Variants in FAT3 observed in about 807,000 individuals in gnomAD.
FAT3 encodes the protein protocadherin Fat 3.
Under a neutral mutation model 310.2 loss-of-function variants are expected in FAT3, and 95 were observed. The ratio of observed to expected loss-of-function variants is 0.31; its 90% confidence interval spans 0.26 to 0.36. The LOEUF (loss-of-function observed/expected upper bound fraction) is 0.36. Ranked by LOEUF, FAT3 falls within the 10% of genes least tolerant of loss-of-function variation. The pLI is 1.00. For synonymous variants in FAT3, 2,314 were observed against 2,192.9 expected (o/e 1.06, Z -1.54); for missense variants, 5,408 against 5,715.6 (o/e 0.95, Z 1.74).
rs150586457 is a variant in FAT3 at position 92,793,476 on chromosome 11, G to GGTA, written c.4822+501_4822+503dup. ...AGGCAACCTGAGTAGCAGAGTAGATGGTAGATATGGAGTCTGAACTGCTTG... is the reference window on the plus strand; with the variant it reads ...AGGCAACCTGAGTAGCAGAGTAGATGGTAGTAGATATGGAGTCTGAACTGCTTG... On this transcript the variant is annotated intron_variant, in intron 9 of 27. Transcript: ENST00000525166. Among the ~76,000 whole-genome samples the GGTA allele has an allele frequency of 8.2e-3, 1,248 of 152,214 alleles. 14 individuals carry two copies. Among genetic ancestry groups the GGTA allele is most frequent in the African/African-American group, 0.028 (1,180 of 41,538 alleles).
At chr11:92,729,426 AT>A (rs1358571849) in intron 4 of FAT3, among the ~76,000 whole-genome samples, 3,577 of 140,326 alleles carry the variant, frequency 0.025, 41 homozygotes, top group Middle Eastern at 0.07. Flanking sequence ...CCCAGACTGA[AT>A]TTTTTTTTTT....
intron 1 of FAT3, among the ~76,000 whole-genome samples, chr11:92,257,760 A>G (rs1223239186): frequency 6.6e-6 from 1 of 152,154 alleles, no homozygotes; most frequent in Admixed American, 6.6e-5. Flanking sequence ...ATTCATCTCC[A>G]TTCATGAATG....
intron 3 of FAT3, among the ~76,000 whole-genome samples, chr11:92,529,768 G>C: frequency 6.6e-6 from 1 of 152,180 alleles, no homozygotes; most frequent in East Asian, 1.9e-4. Flanking sequence ...CCAGGGCATG[G>C]AATTTCTAAG....
At chr11:92,400,690 C>A (rs1201600323) in intron 2 of FAT3, 2 of 151,230 alleles carry the variant, frequency 1.3e-5, no homozygotes, top group African/African-American at 4.9e-5. Context: ...AGATAAGTAA[C>A]AACAGGGTAA....
Position 92,355,037 on chromosome 11 carries a change from G to T in FAT3, c.2925G>T (p.Leu975Phe). The change falls in exon 2 of 28, where the codon TTG becomes TTT. Residue 975 changes from leucine (L) to phenylalanine (F), a missense_variant. Coordinates refer to ENST00000525166, the MANE Select transcript of FAT3 (RefSeq NM_001367949.2). ...TGGGGGGTCAAGTGCGCTATTCTTTGGTCAATGACTATAATGGGAGATTTG... is the reference window on the plus strand; with the variant it reads ...TGGGGGGTCAAGTGCGCTATTCTTTTGTCAATGACTATAATGGGAGATTTG... ...LGLGGQVRYSLVNDYNGRFEI... is the reference protein window; with the variant it reads ...LGLGGQVRYSFVNDYNGRFEI... The T allele has an allele frequency of 6.2e-7, 1 of 1,613,722 alleles. No homozygotes were observed. The highest frequency in any genetic ancestry group is 8.5e-7 in the Non-Finnish European group (1 of 1,179,856).
At chr11:92,637,913 C>A (rs1174564338) in intron 3 of FAT3, among the ~76,000 whole-genome samples, 1 of 152,216 alleles carries the variant, frequency 6.6e-6, no homozygotes, top group Non-Finnish European at 1.5e-5. Flanking sequence ...AAATTAGAAT[C>A]TCAGCAAAAG....
At chr11:92,555,612 C>G (rs1320546397) in intron 3 of FAT3, among the ~76,000 whole-genome samples, 1 of 152,170 alleles carries the variant, frequency 6.6e-6, no homozygotes, top group Non-Finnish European at 1.5e-5. Context: ...AGAACTTGCT[C>G]TCTTATCACT....
At chr11:92,851,233 A>C (rs968795416) in intron 19 of FAT3, among the ~76,000 whole-genome samples, 1 of 152,290 alleles carries the variant, frequency 6.6e-6, no homozygotes, top group East Asian at 1.9e-4. Flanking sequence ...ACAAGGGAAA[A>C]GTTACACCTG....
At chr11:92,285,652 A>C (rs888331628) in intron 1 of FAT3, among the ~76,000 whole-genome samples, 1 of 152,192 alleles carries the variant, frequency 6.6e-6, no homozygotes, top group African/African-American at 2.4e-5. Context: ...CTTCTAATGT[A>C]TTCCCTTTAT....
rs2136420499 is a variant in FAT3, at chr11:92,883,667, A to G, written c.12937+274A>G. Among the ~76,000 whole-genome samples the G allele has an allele frequency of 6.6e-6, 1 of 152,326 alleles. No individual in the cohort carries two copies. The highest frequency in any genetic ancestry group is 2.4e-5 in the African/African-American group (1 of 41,566). On this transcript the variant is annotated intron_variant, in intron 24 of 27. Transcript: ENST00000525166. The surrounding 1 kb of genome is among the most constrained non-coding windows in gnomAD (Gnocchi z 4.2). ...GTCAGTACCCCAACTCAAGTCTTCC[A>G]GGCTCCAAAACCCATCCTCTTCTCA...
At chr11:92,640,311 G>A (rs539941489) in intron 3 of FAT3, among the ~76,000 whole-genome samples, 66 of 152,208 alleles carry the variant, frequency 4.3e-4, no homozygotes, top group African/African-American at 1.5e-3. Flanking sequence ...CCACCAGCCA[G>A]GGTGAGGTGC....
chr11:92,596,150 T>G (rs1026799061), intron 3 of FAT3, among the ~76,000 whole-genome samples: 9 of 152,312 alleles, frequency 5.9e-5, no homozygotes, highest in Non-Finnish European at 1.0e-4. Flanking sequence ...TGTTTTCCTT[T>G]TAAGAATTCT....
chr11:92,696,762 A>T (rs1943952317), intron 3 of FAT3, among the ~76,000 whole-genome samples: 1 of 152,210 alleles, frequency 6.6e-6, no homozygotes, highest in Non-Finnish European at 1.5e-5. Flanking sequence ...TTCACTTATG[A>T]GAAACACCAT....
At chr11:92,680,148 A>G (rs1183678777) in intron 3 of FAT3, among the ~76,000 whole-genome samples, 1 of 149,420 alleles carries the variant, frequency 6.7e-6, no homozygotes, top group African/African-American at 2.5e-5. Flanking sequence ...TTTTTCATCT[A>G]TGCTTTTGAG....
intron 1 of FAT3, among the ~76,000 whole-genome samples, chr11:92,316,594 T>C (rs942998396): frequency 6.6e-6 from 1 of 152,318 alleles, no homozygotes; most frequent in Middle Eastern, 3.4e-3. Flanking sequence ...AAATTGTCTA[T>C]CTATTTTCTA....
chr11:92,232,628 GTTTTTTTTTTTTT>G (rs56273706), intron 1 of FAT3, among the ~76,000 whole-genome samples: 3 of 74,730 alleles, frequency 4.0e-5, no homozygotes, highest in Admixed American at 1.8e-4. Context: ...CAGTGATGTC[GTTTTTTTTTTTTT>G]TTTTTTTTTT....
In FAT3 at chr11:92,733,343, C is replaced by G. The variant is rs1370366227; in HGVS notation, c.3670-28513C>G. On this transcript the variant is annotated intron_variant, in intron 4 of 27. Transcript: ENST00000525166. ...CCTTGTACATGAAAGTTTAGGAAAT[C>G]AATTTGAATAGGTAATATGAGGCAA... 2.7e-5 allele frequency among the ~76,000 whole-genome samples: 4 copies of G among 150,802 alleles called. No individual in the cohort carries two copies. In the Admixed American group the frequency reaches 2.7e-4, roughly 10 times the overall value.
chr11:92,377,005 G>T (rs1025772804), intron 2 of FAT3, among the ~76,000 whole-genome samples: 1 of 152,062 alleles, frequency 6.6e-6, no homozygotes, highest in Non-Finnish European at 1.5e-5. Flanking sequence ...CTCTTCAATA[G>T]ACATTAAAAA....
intron 4 of FAT3, among the ~76,000 whole-genome samples, chr11:92,701,098 G>A (rs1280309508): frequency 1.3e-5 from 2 of 152,096 alleles, no homozygotes; most frequent in African/African-American, 2.4e-5. Context: ...TTTAATTGCC[G>A]AGATAACCTT....
Sources: allele counts gnomAD v4.1 joint callset (sites outside exome capture counted in the v4.1 genomes callset), GRCh38; gene constraint gnomAD v4.1.1; non-coding constraint Gnocchi (gnomAD v3.1); transcripts MANE v1.5; gene names NCBI Gene and HGNC (gene_info 2026-07-23, HGNC 2026-07-21).